The following PAQR9 variants were observed in gnomAD, a reference collection of about 807,000 sequenced individuals.
PAQR9 encodes the protein progestin and adipoQ receptor family member 9, also known as membrane progestin receptor epsilon.
Under a neutral mutation model 24.0 loss-of-function variants are expected in PAQR9, and 12 were observed. The ratio of observed to expected loss-of-function variants is 0.50; its 90% confidence interval spans 0.32 to 0.81. The LOEUF (loss-of-function observed/expected upper bound fraction) is 0.81, where lower values mean the gene tolerates loss of function less well. Ranked by LOEUF, PAQR9 falls within the 30% of genes least tolerant of loss-of-function variation. The pLI, the probability that PAQR9 is intolerant of heterozygous loss-of-function variation, is 0.03. For missense variants in PAQR9, 418 were observed against 520.8 expected (o/e 0.80, Z 1.92); for synonymous variants, 266 against 237.6 (o/e 1.12, Z -1.10).
rs1934823606 is a variant in PAQR9 at position 142,958,110 on chromosome 3, A to G, written c.*4093T>C. 6.6e-6 allele frequency among the ~76,000 whole-genome samples: 1 copy of G among 152,242 alleles called. No homozygotes were observed. Among genetic ancestry groups the G allele is most frequent in the Non-Finnish European group, 1.5e-5 (1 of 68,046 alleles). The stretch of plus-strand genomic sequence containing the variant: ...TGAAAGGTATGATATGAGTGCATGA[A>G]TGAACAGCTCAAAGATTGCTGACAG... On this transcript the variant is annotated 3_prime_UTR_variant, in exon 1 of 1. Coordinates refer to ENST00000340634, the MANE Select transcript of PAQR9 (RefSeq NM_198504.4).
rs553636597 is a variant in PAQR9, at chr3:142,954,625, T to C, written c.*7578A>G. Among the ~76,000 whole-genome samples, 1 of 152,348 alleles carries C rather than the reference T, an allele frequency of 6.6e-6. No homozygotes were observed. Among genetic ancestry groups the C allele is most frequent in the Non-Finnish European group, 1.5e-5 (1 of 68,028 alleles). On this transcript the variant is annotated 3_prime_UTR_variant, in exon 1 of 1. Coordinates refer to ENST00000340634, the MANE Select transcript of PAQR9 (RefSeq NM_198504.4). ...TTTATTCTTATTTCATACATTTGTT[T>C]TTCAGCAAAAATGCATAGTCATATT...
At position 142,957,505 on chromosome 3, in the gene PAQR9, G is replaced by C. The variant is rs1286124501; in HGVS notation, c.*4698C>G. 1.3e-5 allele frequency among the ~76,000 whole-genome samples: 2 copies of C among 152,162 alleles called. No individual in the cohort carries two copies. The highest frequency in any genetic ancestry group is 2.4e-5 in the African/African-American group (1 of 41,414). On this transcript the variant is annotated 3_prime_UTR_variant, in exon 1 of 1. Coordinates refer to ENST00000340634, the MANE Select transcript of PAQR9 (RefSeq NM_198504.4). ...AACACAAAGATCCTAAAAGGCTAGAGAGCATTAGTTAATCTCAGTTAATTT... is the reference window on the plus strand; with the variant it reads ...AACACAAAGATCCTAAAAGGCTAGACAGCATTAGTTAATCTCAGTTAATTT...
chr3:142,950,709 G>T (rs942843529), downstream of PAQR9: 3 of 204,106 alleles, frequency 1.5e-5, no homozygotes, highest in Non-Finnish European at 3.2e-5. Context: ...CTCTGGGCTT[G>T]CAGGGCTACC....
At position 142,963,132 on chromosome 3, in the gene PAQR9, T is replaced by C. The variant is rs1364421877; in HGVS notation, c.205A>G (p.Thr69Ala). Residue 69 changes from threonine to alanine, a missense_variant, in exon 1 of 1, where the codon ACG becomes GCG. By Grantham distance (58) the Thr-to-Ala change is moderately conservative (BLOSUM62 0). Coordinates refer to ENST00000340634, the MANE Select transcript of PAQR9 (RefSeq NM_198504.4). ...ILSGYRRLPCTAQECLASVLK... is the reference protein window; with the variant it reads ...ILSGYRRLPCAAQECLASVLK... ...ACCGAGGCTAGGCACTCCTGGGCCG[T>C]GCACGGCAGACGCCGGTAGCCCGAC... 3 of 1,612,282 alleles carry C rather than the reference T, an allele frequency of 1.9e-6. No homozygotes were observed. Among genetic ancestry groups the C allele is most frequent in the South Asian group, 1.1e-5 (1 of 90,804 alleles).
downstream of PAQR9, chr3:142,951,424 T>TA (rs1241473838): frequency 5.5e-6 from 1 of 183,096 alleles, no homozygotes; most frequent in African/African-American, 2.4e-5. Flanking sequence ...AAATTAAAGA[T>TA]AAAAAATTCA....
At position 142,955,226 on chromosome 3, in the gene PAQR9, C is replaced by T. The variant is rs149788455; in HGVS notation, c.*6977G>A. ...CTGCTGGTTGTACATTCTTGCAAAT[C>T]CAAGAACAGTCACCGTATTTAAAAC... On this transcript the variant is annotated 3_prime_UTR_variant, in exon 1 of 1. Coordinates refer to ENST00000340634, the MANE Select transcript of PAQR9 (RefSeq NM_198504.4). Among the ~76,000 whole-genome samples, 118 of 152,006 alleles carry T rather than the reference C, an allele frequency of 7.8e-4. No homozygotes were observed. The highest frequency in any genetic ancestry group is 3.4e-3 in the Middle Eastern group (1 of 294).
downstream of PAQR9, chr3:142,950,635 T>A: frequency 2.5e-6 from 1 of 394,864 alleles, no homozygotes; most frequent in South Asian, 1.9e-5. Flanking sequence ...GGCTATGGGG[T>A]AACTCAGAGA....
In PAQR9 at chr3:142,954,855, T is replaced by C. The variant is rs1934767778; in HGVS notation, c.*7348A>G. Among the ~76,000 whole-genome samples the C allele has an allele frequency of 6.6e-6, 1 of 152,202 alleles. No individual in the cohort carries two copies. Among genetic ancestry groups the C allele is most frequent in the Non-Finnish European group, 1.5e-5 (1 of 68,042 alleles). On this transcript the variant is annotated 3_prime_UTR_variant, in exon 1 of 1. Transcript: ENST00000340634. ...GTAACGCTTTTCTGTTAGAATACAC[T>C]ATTGATTTGAAACCACATGTTAGTC... is the stretch of plus-strand genomic sequence containing the variant.
chr3:142,962,316 GCGGCGCCTGGAGGAA>G lies in PAQR9; in HGVS notation c.1006_1020del (p.Phe336_Pro340del). ...GTACCCGAGAAAGTGGGTGCGGCAG[GCGGCGCCTGGAGGAA>G]CTGGCGCAGGCCCTCTTCTACGTAG... On this transcript the variant is annotated inframe_deletion, in exon 1 of 1. Transcript: ENST00000340634. The G allele has an allele frequency of 2.5e-6, 4 of 1,614,120 alleles. No individual in the cohort carries two copies. Among genetic ancestry groups the G allele is most frequent in the Non-Finnish European group, 3.4e-6 (4 of 1,180,026 alleles).
chr3:142,963,355 A>T lies in PAQR9; in HGVS notation c.-19T>A. On this transcript the variant is annotated 5_prime_UTR_variant, in exon 1 of 1. Coordinates refer to ENST00000340634, the MANE Select transcript of PAQR9 (RefSeq NM_198504.4). ...GCGGCATGGTGCCCGGGGCTCGGCTAGGGCGCGCGCAGGCGACCTCTGGCG... is the reference window on the plus strand; with the variant it reads ...GCGGCATGGTGCCCGGGGCTCGGCTTGGGCGCGCGCAGGCGACCTCTGGCG... The T allele has an allele frequency of 8.3e-7, 1 of 1,210,856 alleles. No individual in the cohort carries two copies. Among genetic ancestry groups the T allele is most frequent in the Non-Finnish European group, 1.0e-6 (1 of 975,862 alleles). The allele number at this position is 1,210,856 out of a possible 1,614,324, so 75.0% of individuals were successfully genotyped here. A position where few individuals can be genotyped will look rare whatever the true frequency, so the allele number is the denominator to read the frequency against.
chr3:142,951,263 T>C (rs1251132347), downstream of PAQR9, among the ~76,000 whole-genome samples: 1 of 152,164 alleles, frequency 6.6e-6, no homozygotes, highest in Non-Finnish European at 1.5e-5. Context: ...TAAGTATCCA[T>C]ATTGTGTCTC....
exon 3 of PAQR9, chr3:142,949,467 C>A (rs1934686590): frequency 6.6e-6 from 1 of 152,214 alleles, no homozygotes; most frequent in African/African-American, 2.4e-5. Flanking sequence ...TTCTGCCCAC[C>A]TTTCAGTTTT....
At position 142,955,442 on chromosome 3, in the gene PAQR9, T is replaced by TAAAAAAAAAAAAAAAAAAAAA. The variant is rs150071656; in HGVS notation, c.*6740_*6760dup. Among the ~76,000 whole-genome samples the TAAAAAAAAAAAAAAAAAAAAA allele has an allele frequency of 4.6e-5, 1 of 21,576 alleles. No homozygotes were observed. The highest frequency in any genetic ancestry group is 1.0e-4 in the Non-Finnish European group (1 of 9,908). The allele number at this position is 21,576 out of a possible 152,430, so 14.2% of individuals were successfully genotyped here. ...GAGCGACCACATGGTCTATACAAAT[T>TAAAAAAAAAAAAAAAAAAAAA]AAAAAAAAAAAAAAAAAAAAAAAAA... On this transcript the variant is annotated 3_prime_UTR_variant, in exon 1 of 1. Transcript: ENST00000340634.
chr3:142,962,359 C>T lies in PAQR9; in HGVS notation c.978G>A (p.Val326=). 4 of 1,614,158 alleles carry T rather than the reference C, an allele frequency of 2.5e-6. No individual in the cohort carries two copies. The highest frequency in any genetic ancestry group is 2.2e-5 in the South Asian group (2 of 91,092). ...IFTFLSIYDQ[V]YYVEEGLRQF... Reference sequence around the variant, plus strand: ...GGCGCAGGCCCTCTTCTACGTAGTACACCTGGTCGTAGATGCTGAGGAAGG... The same window carrying T: ...GGCGCAGGCCCTCTTCTACGTAGTATACCTGGTCGTAGATGCTGAGGAAGG... The change falls in exon 1 of 1, where the codon GTG becomes GTA. Residue 326 remains valine (V), a synonymous_variant. Coordinates refer to ENST00000340634, the MANE Select transcript of PAQR9 (RefSeq NM_198504.4).
In PAQR9 at chr3:142,959,660, T is replaced by C. The variant is rs546218866; in HGVS notation, c.*2543A>G. On this transcript the variant is annotated 3_prime_UTR_variant, in exon 1 of 1. Coordinates refer to ENST00000340634, the MANE Select transcript of PAQR9 (RefSeq NM_198504.4). ...ATAATCACCTGAAAAATGATATGGG[T>C]ATAATTTTATCCTTAAGTGGCCTCT... Among the ~76,000 whole-genome samples, 2 of 152,238 alleles carry C rather than the reference T, an allele frequency of 1.3e-5. No individual in the cohort carries two copies. Among genetic ancestry groups the C allele is most frequent in the Admixed American group, 6.5e-5 (1 of 15,288 alleles).
rs1376326190 is a variant in PAQR9, at chr3:142,962,061, A to G, written c.*142T>C. ...CAGTGGGTTGGGATCCCTTTGTAGC[A>G]GTGAACTTTTTCCCTATGGTTTTGC... On this transcript the variant is annotated 3_prime_UTR_variant, in exon 1 of 1. Coordinates refer to ENST00000340634, the MANE Select transcript of PAQR9 (RefSeq NM_198504.4). The G allele has an allele frequency of 3.5e-5, 35 of 1,007,952 alleles. No individual in the cohort carries two copies. The South Asian group carries it at 4.9e-4, about 14-fold the overall frequency. 62.4% of individuals were successfully genotyped at this position (1,007,952 alleles called of 1,614,324 possible). A position where few individuals can be genotyped will look rare whatever the true frequency, so the allele number is the denominator to read the frequency against.
downstream of PAQR9, chr3:142,952,681 T>C (rs1258759969): frequency 2.3e-5 from 10 of 443,834 alleles, no homozygotes; most frequent in Non-Finnish European, 4.5e-5. Context: ...ATGTTCTGGC[T>C]TTCTTCTTAT....
In PAQR9 at chr3:142,958,945, G is replaced by C. The variant is rs1553826575; in HGVS notation, c.*3258C>G. Among the ~76,000 whole-genome samples, 2 of 152,170 alleles carry C rather than the reference G, an allele frequency of 1.3e-5. No homozygotes were observed. The highest frequency in any genetic ancestry group is 2.9e-5 in the Non-Finnish European group (2 of 68,044). ...TAGCCAACTAAGTCAGTCTGAGTCA[G>C]CCCCAGAGACCAACCCACGGGGTGA... is the stretch of plus-strand genomic sequence containing the variant. On this transcript the variant is annotated 3_prime_UTR_variant, in exon 1 of 1. Transcript: ENST00000340634.
downstream of PAQR9, chr3:142,951,438 C>T (rs1419922879): frequency 9.0e-6 from 2 of 223,284 alleles, no homozygotes; most frequent in East Asian, 3.0e-4. Context: ...AAATTCAAGG[C>T]CCAGTAGACT....
Sources: gnomAD v4.1 joint callset for allele counts (sites outside exome capture counted in the v4.1 genomes callset) on GRCh38, gnomAD v4.1.1 for gene constraint, MANE v1.5 for transcripts, NCBI Gene and HGNC (gene_info 2026-07-23, HGNC 2026-07-21) for gene names.